The following RBFOX1 variants were observed in gnomAD, a reference collection of about 807,000 sequenced individuals.
RBFOX1 encodes the protein RNA binding protein fox-1 homolog 1.
A neutral mutation model predicts 57.7 loss-of-function variants in RBFOX1; 8 were observed. The ratio of observed to expected loss-of-function variants is 0.14; its 90% CI spans 0.08 to 0.25. The LOEUF is 0.25. Ranked by LOEUF, RBFOX1 falls within the 10% of genes least tolerant of loss-of-function variation. RBFOX1 has a pLI of 1.00. For missense variants in RBFOX1, 611 were observed against 548.5 expected (o/e 1.11, Z -1.14); for synonymous variants, 326 against 222.4 (o/e 1.47, Z -4.15).
At chr16:6,670,104 C>G (rs988234107) in intron 3 of RBFOX1, among the ~76,000 whole-genome samples, 2 of 152,154 alleles carry the variant, frequency 1.3e-5, no homozygotes, top group South Asian at 2.1e-4. Flanking sequence ...TCACTGCAAC[C>G]TCACCCTCCT....
intron 1 of RBFOX1, among the ~76,000 whole-genome samples, chr16:6,275,441 C>T (rs1271994906): frequency 6.6e-6 from 1 of 152,206 alleles, no homozygotes; most frequent in Non-Finnish European, 1.5e-5. Context: ...TGTTTTCACA[C>T]ACCTGATCTC....
chr16:6,685,060 C>A (rs571393827), intron 3 of RBFOX1, among the ~76,000 whole-genome samples: 1 of 152,248 alleles, frequency 6.6e-6, no homozygotes, highest in African/African-American at 2.4e-5. Flanking sequence ...TGAAAATTTA[C>A]AGGTGAAATT....
intron 4 of RBFOX1, among the ~76,000 whole-genome samples, chr16:7,245,017 A>G (rs12709194): frequency 0.66 from 100,085 of 152,068 alleles, 35,134 homozygotes; most frequent in African/African-American, 0.91. Context: ...TCAGCTGCAT[A>G]CCATTTTCAT....
chr16:6,585,180 A>T (rs552515978), intron 2 of RBFOX1, among the ~76,000 whole-genome samples: 62 of 152,172 alleles, frequency 4.1e-4, no homozygotes, highest in Non-Finnish European at 8.4e-4. Context: ...AGGAATCCTA[A>T]TGTCCTCCAT....
chr16:7,633,756 G>T (rs1456709308), intron 11 of RBFOX1, among the ~76,000 whole-genome samples: 2 of 152,150 alleles, frequency 1.3e-5, no homozygotes, highest in Non-Finnish European at 2.9e-5. Flanking sequence ...AGTTATTTCT[G>T]TTTGCAGGCT....
intron 1 of RBFOX1, among the ~76,000 whole-genome samples, chr16:5,350,824 C>T (rs1196424258): frequency 4.6e-5 from 7 of 152,116 alleles, no homozygotes; most frequent in Non-Finnish European, 8.8e-5. Flanking sequence ...GATATTGCAC[C>T]ACTGCGCTCC....
intron 3 of RBFOX1, among the ~76,000 whole-genome samples, chr16:5,645,718 T>C (rs2049030644): frequency 6.6e-6 from 1 of 152,194 alleles, no homozygotes; most frequent in Non-Finnish European, 1.5e-5. Flanking sequence ...CAGACTGGAG[T>C]GCAGCGGTGC....
intron 2 of RBFOX1, among the ~76,000 whole-genome samples, chr16:6,618,805 G>A (rs113478624): frequency 2.6e-3 from 397 of 152,204 alleles, no homozygotes; most frequent in African/African-American, 9.0e-3. Context: ...GTCCGTCTGC[G>A]TGCCTGTGCA....
chr16:7,204,261 C>T (rs2089434008), intron 4 of RBFOX1, among the ~76,000 whole-genome samples: 1 of 152,204 alleles, frequency 6.6e-6, no homozygotes, highest in Non-Finnish European at 1.5e-5. Flanking sequence ...CCTAAACTTG[C>T]AGCATCACTC....
intron 4 of RBFOX1, among the ~76,000 whole-genome samples, chr16:7,068,466 T>C (rs1351053513): frequency 2.0e-5 from 3 of 152,202 alleles, no homozygotes; most frequent in African/African-American, 7.2e-5. Context: ...CCTTTTGAAC[T>C]TCTTCTTTTG....
At chr16:6,668,467 T>C (rs1198478539) in intron 3 of RBFOX1, among the ~76,000 whole-genome samples, 9 of 152,232 alleles carry the variant, frequency 5.9e-5, no homozygotes, top group African/African-American at 1.9e-4. Context: ...GTTTTCCTTA[T>C]GTTTTGGATT....
intron 3 of RBFOX1, among the ~76,000 whole-genome samples, chr16:5,773,486 A>G (rs1190826416): frequency 6.6e-6 from 1 of 152,210 alleles, no homozygotes; most frequent in Non-Finnish European, 1.5e-5. Context: ...TGATTCTAAC[A>G]GTTGCATAAT....
chr16:6,975,740 G>A (rs2086685329), intron 3 of RBFOX1, among the ~76,000 whole-genome samples: 1 of 152,180 alleles, frequency 6.6e-6, no homozygotes, highest in Non-Finnish European at 1.5e-5. Flanking sequence ...TAGGCTGAAA[G>A]TTTTCTACTC....
At chr16:7,087,376 G>T (rs1000395101) in intron 4 of RBFOX1, among the ~76,000 whole-genome samples, 5 of 152,100 alleles carry the variant, frequency 3.3e-5, no homozygotes, top group Non-Finnish European at 7.3e-5. Context: ...GTCTGTTGAT[G>T]ATCAACACCA....
At chr16:6,175,265 A>G (rs1218754275) in intron 1 of RBFOX1, among the ~76,000 whole-genome samples, 2 of 152,166 alleles carry the variant, frequency 1.3e-5, no homozygotes, top group Non-Finnish European at 2.9e-5. Flanking sequence ...TTGGATAAAC[A>G]TTTTCCGTAA....
intron 1 of RBFOX1, among the ~76,000 whole-genome samples, chr16:6,119,390 A>G (rs909639798): frequency 6.6e-6 from 1 of 152,204 alleles, no homozygotes; most frequent in Non-Finnish European, 1.5e-5. Flanking sequence ...ATGTCTTTAT[A>G]TCTTATTACT....
At chr16:7,653,461 G>C (rs2065545267) in intron 11 of RBFOX1, among the ~76,000 whole-genome samples, 1 of 152,152 alleles carries the variant, frequency 6.6e-6, no homozygotes, top group Admixed American at 6.5e-5. Context: ...AGCCGTGATT[G>C]CACCACTGCA....
intron 3 of RBFOX1, among the ~76,000 whole-genome samples, chr16:6,999,642 C>A (rs1596498520): frequency 1.3e-5 from 2 of 152,170 alleles, no homozygotes; most frequent in South Asian, 4.1e-4. Context: ...CTTTAATCTT[C>A]TTCTCCCTTC....
intron 1 of RBFOX1, among the ~76,000 whole-genome samples, chr16:6,020,958 G>C (rs149161572): frequency 6.6e-6 from 1 of 152,334 alleles, no homozygotes; most frequent in East Asian, 1.9e-4. Context: ...GGAATGGTCA[G>C]GGGGCTGGGA....
Sources: allele counts gnomAD v4.1 joint callset (sites outside exome capture counted in the v4.1 genomes callset), GRCh38; gene constraint gnomAD v4.1.1; transcripts MANE v1.5; gene names NCBI Gene and HGNC (gene_info 2026-07-23, HGNC 2026-07-21).